The following SH3BGRL2 variants were observed in gnomAD, a reference collection of about 807,000 sequenced individuals.
The protein encoded by SH3BGRL2 is SH3 domain binding glutamate rich protein like 2.
SH3BGRL2 carries 21 observed loss-of-function variants against 14.8 expected under a neutral mutation model. The ratio of observed to expected loss-of-function variants is 1.42; its 90% CI spans 1.01 to 2.05. The LOEUF is 2.05. Among genes scored for constraint, SH3BGRL2 ranks in the 30% most tolerant of loss-of-function variants. The probability of loss-of-function intolerance (pLI) is 0.00; values close to 1 mark genes in which losing one functional copy is unlikely to be tolerated. For missense variants in SH3BGRL2, 147 were observed against 130.8 expected (o/e 1.12, Z -0.61); for synonymous variants, 50 against 47.8 (o/e 1.05, Z -0.19).
chr6:79,632,495 C>T (rs1768843993), intron 1 of SH3BGRL2, among the ~76,000 whole-genome samples: 1 of 152,166 alleles, frequency 6.6e-6, no homozygotes, highest in African/African-American at 2.4e-5. Context: ...TAAATTTGGT[C>T]TGGTCAATTG....
intron 1 of SH3BGRL2, among the ~76,000 whole-genome samples, chr6:79,636,790 A>G (rs1236967718): frequency 7.2e-5 from 11 of 152,036 alleles, no homozygotes; most frequent in Admixed American, 3.9e-4. Context: ...TCACATTCAT[A>G]TGGCATTCTT....
chr6:79,541,392 G>GT, the SH3BGRL2 span, among the ~76,000 whole-genome samples: 1 of 152,014 alleles, frequency 6.6e-6, no homozygotes, highest in South Asian at 2.1e-4. Context: ...GAAAAATCTA[G>GT]TAGACCTAGC....
At chr6:79,638,313 A>G (rs1485072604) in intron 1 of SH3BGRL2, among the ~76,000 whole-genome samples, 1 of 152,214 alleles carries the variant, frequency 6.6e-6, no homozygotes, top group Non-Finnish European at 1.5e-5. Context: ...GCTGAATAAC[A>G]TTCCATTGAG....
chr6:79,615,083 C>G, the SH3BGRL2 span, among the ~76,000 whole-genome samples: 2 of 152,120 alleles, frequency 1.3e-5, no homozygotes, highest in African/African-American at 2.4e-5. Flanking sequence ...CCAGAGGACT[C>G]ACTGTCAACA....
the SH3BGRL2 span, among the ~76,000 whole-genome samples, chr6:79,583,791 A>T: frequency 2.4e-4 from 36 of 152,286 alleles, no homozygotes; most frequent in South Asian, 3.9e-3. Flanking sequence ...TGCATTTTCC[A>T]TTTTTTTAAA....
At chr6:79,580,141 C>G in the SH3BGRL2 span, among the ~76,000 whole-genome samples, 31 of 152,290 alleles carry the variant, frequency 2.0e-4, no homozygotes, top group African/African-American at 7.2e-4. Context: ...CACCCAGATT[C>G]ATAAAGCAAG....
chr6:79,580,643 G>C, the SH3BGRL2 span, among the ~76,000 whole-genome samples: 1 of 152,224 alleles, frequency 6.6e-6, no homozygotes, highest in African/African-American at 2.4e-5. Flanking sequence ...AGTCAAAGCA[G>C]TGTGTAGAGG....
intron 1 of SH3BGRL2, among the ~76,000 whole-genome samples, chr6:79,655,435 T>G (rs1769386776): frequency 6.6e-6 from 1 of 152,082 alleles, no homozygotes; most frequent in African/African-American, 2.4e-5. Context: ...ACAGCACTAT[T>G]GAGATATGAT....
chr6:79,619,164 T>C, the SH3BGRL2 span, among the ~76,000 whole-genome samples: 58 of 152,196 alleles, frequency 3.8e-4, no homozygotes, highest in African/African-American at 1.4e-3. Context: ...TATTCATTCA[T>C]ATCTGCTCCA....
the SH3BGRL2 span, among the ~76,000 whole-genome samples, chr6:79,549,713 C>G: frequency 6.6e-6 from 1 of 152,070 alleles, no homozygotes; most frequent in Non-Finnish European, 1.5e-5. Flanking sequence ...TGGGGAATAC[C>G]TATAAGTATC....
chr6:79,579,269 C>T, the SH3BGRL2 span, among the ~76,000 whole-genome samples: 1 of 152,128 alleles, frequency 6.6e-6, no homozygotes, highest in Admixed American at 6.5e-5. Flanking sequence ...GCAAGGCAGG[C>T]CAACATTAAA....
At chr6:79,574,433 TAGAG>T in the SH3BGRL2 span, 1 of 152,176 alleles carries the variant, frequency 6.6e-6, no homozygotes, top group East Asian at 1.9e-4. Flanking sequence ...CAGCGGGGGA[TAGAG>T]AGAGATTTTC....
chr6:79,672,093 G>T (rs561286023), intron 1 of SH3BGRL2, among the ~76,000 whole-genome samples: 2 of 152,164 alleles, frequency 1.3e-5, no homozygotes, highest in East Asian at 3.9e-4. Flanking sequence ...TCTGCTTCAT[G>T]TCACATTGGG....
chr6:79,619,667 T>C, the SH3BGRL2 span, among the ~76,000 whole-genome samples: 1 of 152,156 alleles, frequency 6.6e-6, no homozygotes, highest in African/African-American at 2.4e-5. Context: ...AGGACCCCCA[T>C]TGCTGCTGTT....
chr6:79,664,410 A>G (rs1275372088), intron 1 of SH3BGRL2, among the ~76,000 whole-genome samples: 2 of 152,228 alleles, frequency 1.3e-5, no homozygotes, highest in African/African-American at 4.8e-5. Context: ...TCTATGCTGA[A>G]TTATTATCTG....
At chr6:79,642,704 T>A (rs1164098437) in intron 1 of SH3BGRL2, among the ~76,000 whole-genome samples, 1 of 152,188 alleles carries the variant, frequency 6.6e-6, no homozygotes, top group African/African-American at 2.4e-5. Context: ...ATGTTGAGTC[T>A]GTGAGTAACC....
At chr6:79,587,346 G>A in the SH3BGRL2 span, among the ~76,000 whole-genome samples, 2 of 152,048 alleles carry the variant, frequency 1.3e-5, no homozygotes, top group African/African-American at 2.4e-5. Context: ...AGTAACTGTG[G>A]ACCTTAGAAT....
At chr6:79,629,496 G>A (rs1475258528), upstream of SH3BGRL2, among the ~76,000 whole-genome samples, 1 of 152,118 alleles carries the variant, frequency 6.6e-6, no homozygotes, top group Non-Finnish European at 1.5e-5. Context: ...AAGGAGCTGA[G>A]CAGATAACCC....
At chr6:79,575,191 A>G in the SH3BGRL2 span, 1 of 152,172 alleles carries the variant, frequency 6.6e-6, no homozygotes, top group African/African-American at 2.4e-5. Context: ...TCTTTTTTTA[A>G]AAAACTATAG....
Sources: gnomAD v4.1 joint callset for allele counts (sites outside exome capture counted in the v4.1 genomes callset) on GRCh38, gnomAD v4.1.1 for gene constraint, MANE v1.5 for transcripts, NCBI Gene and HGNC (gene_info 2026-07-23, HGNC 2026-07-21) for gene names.